Variants in PDE7B observed in about 807,000 individuals in gnomAD.
The protein encoded by PDE7B is 3',5'-cyclic-AMP phosphodiesterase 7B.
A neutral mutation model predicts 56.2 loss-of-function variants in PDE7B; 29 were observed. The ratio of observed to expected loss-of-function variants is 0.52; its 90% CI spans 0.38 to 0.70. The LOEUF (loss-of-function observed/expected upper bound fraction) is 0.70, where lower values mean the gene tolerates loss of function less well. PDE7B is among the 30% of genes least tolerant of loss of function. PDE7B has a pLI of 0.00. For synonymous variants in PDE7B, 197 were observed against 196.9 expected (o/e 1.00, Z 0.00); for missense variants, 490 against 565.0 (o/e 0.87, Z 1.35).
chr6:135,937,525 T>A (rs924154491), intron 1 of PDE7B, among the ~76,000 whole-genome samples: 4 of 152,224 alleles, frequency 2.6e-5, no homozygotes, highest in Non-Finnish European at 5.9e-5. Flanking sequence ...TCCCAGCTTA[T>A]CTTGCACCTC....
intron 2 of PDE7B, among the ~76,000 whole-genome samples, chr6:136,066,854 T>A (rs867299552): frequency 0.025 from 3,589 of 145,894 alleles, 126 homozygotes; most frequent in African/African-American, 0.079. Flanking sequence ...ACCATAACCT[T>A]TTTTTTTTTT....
At chr6:135,946,867 G>A (rs1382309840) in intron 1 of PDE7B, among the ~76,000 whole-genome samples, 1 of 151,992 alleles carries the variant, frequency 6.6e-6, no homozygotes, top group Non-Finnish European at 1.5e-5. Context: ...ATCTCTGCAG[G>A]AATTTGCCTT....
At chr6:135,960,819 T>A (rs565438139) in intron 2 of PDE7B, among the ~76,000 whole-genome samples, 1 of 152,354 alleles carries the variant, frequency 6.6e-6, no homozygotes, top group Admixed American at 6.5e-5. Flanking sequence ...ATAGATGAAA[T>A]TAAAGAGTAT....
intron 3 of PDE7B, chr6:136,117,306 A>G (rs565286009): frequency 5.3e-5 from 8 of 152,354 alleles, no homozygotes; most frequent in African/African-American, 1.9e-4. Flanking sequence ...AGAAACAGGC[A>G]GAGCCTATCT....
Position 135,928,477 on chromosome 6 carries a change from ATATATT to A in PDE7B, c.22-18983_22-18978del, listed in dbSNP as rs1414292500. On this transcript the variant is annotated intron_variant, in intron 1 of 12. Coordinates refer to ENST00000308191, the MANE Select transcript of PDE7B (RefSeq NM_018945.4). ...TTTATATATATATTTATTTATATAT[ATATATT>A]TATTTATATATATATATTTATATAT... Among the ~76,000 whole-genome samples the A allele has an allele frequency of 9.3e-3, 1,021 of 109,980 alleles. 35 individuals are homozygous for A. The highest frequency in any genetic ancestry group is 0.032 in the East Asian group (117 of 3,636). 72.2% of individuals were successfully genotyped at this position (109,980 alleles called of 152,430 possible).
At chr6:135,962,877 A>G (rs909711866) in intron 2 of PDE7B, among the ~76,000 whole-genome samples, 4 of 152,212 alleles carry the variant, frequency 2.6e-5, no homozygotes, top group African/African-American at 9.6e-5. Context: ...ACCTTGTATC[A>G]TAGATCAACA....
intron 2 of PDE7B, among the ~76,000 whole-genome samples, chr6:136,065,295 T>C (rs1179870887): frequency 6.6e-6 from 1 of 152,196 alleles, no homozygotes; most frequent in Non-Finnish European, 1.5e-5. Flanking sequence ...AAAACCACCT[T>C]TGAGGCTAAA....
At chr6:136,170,281 TTTAA>T (rs1778858244) in intron 8 of PDE7B, among the ~76,000 whole-genome samples, 1 of 152,162 alleles carries the variant, frequency 6.6e-6, no homozygotes, top group Non-Finnish European at 1.5e-5. Flanking sequence ...TTACTTTTTG[TTTAA>T]TTGTGGTAAA....
intron 2 of PDE7B, among the ~76,000 whole-genome samples, chr6:135,948,892 TAGATAGACAGACAGAC>T (rs1486014988): frequency 4.6e-5 from 2 of 43,572 alleles, no homozygotes; most frequent in African/African-American, 1.2e-4. Flanking sequence ...GATAGATAGA[TAGATAGACAGACAGAC>T]AGACAGACAG....
intron 11 of PDE7B, among the ~76,000 whole-genome samples, chr6:136,182,644 C>T (rs1163854711): frequency 6.6e-6 from 1 of 152,220 alleles, no homozygotes; most frequent in Admixed American, 6.5e-5. Flanking sequence ...TCTCATCTTG[C>T]ACCTTATTTG....
rs114998732 is a variant in PDE7B at position 135,942,811 on chromosome 6, C to T, written c.22-4653C>T. Among the ~76,000 whole-genome samples, 246 of 152,144 alleles carry T rather than the reference C, an allele frequency of 1.6e-3. 2 individuals carry two copies. The highest frequency in any genetic ancestry group is 5.7e-3 in the African/African-American group (236 of 41,534). ...TGTCCTCCAGATTCATCCATCTTATCACAAAAGACAGGATTTCCTTCTTTT... is the reference window on the plus strand; with the variant it reads ...TGTCCTCCAGATTCATCCATCTTATTACAAAAGACAGGATTTCCTTCTTTT... On this transcript the variant is annotated intron_variant, in intron 1 of 12. Transcript: ENST00000308191.
intron 2 of PDE7B, among the ~76,000 whole-genome samples, chr6:136,108,203 G>C (rs536530015): frequency 1.3e-5 from 2 of 150,904 alleles, no homozygotes; most frequent in Non-Finnish European, 2.9e-5. Flanking sequence ...CTAGAAACTC[G>C]ACAGACTGTC....
intron 2 of PDE7B, among the ~76,000 whole-genome samples, chr6:135,995,910 T>C (rs866312841): frequency 6.6e-6 from 1 of 152,044 alleles, no homozygotes; most frequent in African/African-American, 2.4e-5. Context: ...AATTGTTTTA[T>C]AATTTAATTG....
At chr6:136,109,196 G>A (rs1311709913) in intron 3 of PDE7B, among the ~76,000 whole-genome samples, 2 of 152,162 alleles carry the variant, frequency 1.3e-5, no homozygotes, top group South Asian at 4.1e-4. Flanking sequence ...AATTAGCTGG[G>A]TATGGTGGCA....
chr6:136,016,915 G>A (rs1048886523), intron 2 of PDE7B, among the ~76,000 whole-genome samples: 1 of 152,218 alleles, frequency 6.6e-6, no homozygotes, highest in East Asian at 1.9e-4. Flanking sequence ...TAACCAGCTT[G>A]GTTATCTGCC....
intron 8 of PDE7B, among the ~76,000 whole-genome samples, chr6:136,167,760 G>C (rs1778818099): frequency 6.6e-6 from 1 of 152,196 alleles, no homozygotes; most frequent in Non-Finnish European, 1.5e-5. Flanking sequence ...ATGAAATCAA[G>C]TAATTTGTTC....
At chr6:136,151,062 C>CA (rs2128447251) in intron 5 of PDE7B, 98 bp from the exon 6 acceptor site, 1 of 659,856 alleles carries the variant, frequency 1.5e-6, no homozygotes, top group Non-Finnish European at 2.7e-6. Flanking sequence ...AATATTCTAT[C>CA]ACAGAAACTT....
In PDE7B at chr6:135,928,429, TTATATATA is replaced by T. The variant is rs755915341; in HGVS notation, c.22-19023_22-19016del. The stretch of plus-strand genomic sequence containing the variant: ...GGCAGACTGAATAAAGAAAATGTGA[TTATATATA>T]TATATATATATTTATTTATATATAT... On this transcript the variant is annotated intron_variant, in intron 1 of 12. Coordinates refer to ENST00000308191, the MANE Select transcript of PDE7B (RefSeq NM_018945.4). Among the ~76,000 whole-genome samples, 136 of 103,046 alleles carry T rather than the reference TTATATATA, an allele frequency of 1.3e-3. 3 individuals carry two copies. The highest frequency in any genetic ancestry group is 4.6e-3 in the African/African-American group (127 of 27,730). The allele number at this position is 103,046 out of a possible 152,430, so 67.6% of individuals were successfully genotyped here. A position where few individuals can be genotyped will look rare whatever the true frequency, so the allele number is the denominator to read the frequency against.
chr6:136,108,914 G>C (rs1291537265), intron 3 of PDE7B, 100 bp downstream of exon 3: 1 of 783,852 alleles, frequency 1.3e-6, no homozygotes, highest in Non-Finnish European at 2.3e-6. Context: ...TCTGGGGTCT[G>C]CCTTCCTTCC....
Sources: allele counts gnomAD v4.1 joint callset (sites outside exome capture counted in the v4.1 genomes callset), GRCh38; gene constraint gnomAD v4.1.1; transcripts MANE v1.5; gene names NCBI Gene and HGNC (gene_info 2026-07-23, HGNC 2026-07-21).